GIGYF2: variants seen among roughly 807,000 people sequenced by gnomAD.
GIGYF2 encodes GRB10-interacting GYF protein 2.
Under a neutral mutation model 208.1 loss-of-function variants are expected in GIGYF2, and 25 were observed. That is an observed-to-expected ratio of 0.12 (90% CI 0.09 to 0.17). GIGYF2 has a LOEUF of 0.17. Ranked by LOEUF, GIGYF2 falls within the 10% of genes least tolerant of loss-of-function variation. The pLI is 1.00. For synonymous variants in GIGYF2, 534 were observed against 543.8 expected (o/e 0.98, Z 0.25); for missense variants, 1,302 against 1,579.4 (o/e 0.82, Z 2.98).
intron 14 of GIGYF2, among the ~76,000 whole-genome samples, chr2:232,804,388 T>G (rs1391839574): frequency 6.6e-6 from 1 of 151,848 alleles, no homozygotes; most frequent in African/African-American, 2.4e-5. Flanking sequence ...TCAGTTTTTT[T>G]TTTTTTTTTT....
intron 5 of GIGYF2, among the ~76,000 whole-genome samples, chr2:232,753,051 C>T (rs1047511054): frequency 1.5e-4 from 23 of 152,172 alleles, no homozygotes; most frequent in East Asian, 9.7e-4. Context: ...TTCACACACA[C>T]ACACATAAAT....
rs143586637 is a variant in GIGYF2 at position 232,733,932 on chromosome 2, A to G, written c.-43-1223A>G. ...TGGTTGAATCCATGAACCAGAACCC[A>G]TGGATATGGAGGGCCAGTTATATTT... On this transcript the variant is annotated intron_variant, in intron 2 of 28. Transcript: ENST00000373563. Among the ~76,000 whole-genome samples, 1,323 of 152,256 alleles carry G rather than the reference A, an allele frequency of 8.7e-3. 35 individuals carry two copies. Among genetic ancestry groups the G allele is most frequent in the Admixed American group, 0.054 (829 of 15,274 alleles).
At chr2:232,769,715 G>A (rs1029787885) in intron 8 of GIGYF2, among the ~76,000 whole-genome samples, 1 of 151,910 alleles carries the variant, frequency 6.6e-6, no homozygotes, top group Non-Finnish European at 1.5e-5. Flanking sequence ...TTTTGTTGGC[G>A]GGCTGTTGGT....
chr2:232,717,641 C>T (rs959508770), intron 2 of GIGYF2, among the ~76,000 whole-genome samples: 5 of 152,060 alleles, frequency 3.3e-5, no homozygotes, highest in East Asian at 1.9e-4. Context: ...GTTCTGTAGG[C>T]GGTACAAGAA....
rs182808844 is a variant in GIGYF2, at chr2:232,835,336, T to C, written c.2766+2243T>C. 6.6e-5 allele frequency among the ~76,000 whole-genome samples: 10 copies of C among 152,300 alleles called. No individual in the cohort carries two copies. In the East Asian group the frequency reaches 1.9e-3, roughly 29 times the overall value. ...ATATCATCTATCTCTTTATCAATAT[T>C]CTTTATTTGGTGTGACACTGTCATC... On this transcript the variant is annotated intron_variant, in intron 22 of 28. Coordinates refer to ENST00000373563, the MANE Select transcript of GIGYF2 (RefSeq NM_001103146.3).
At chr2:232,800,135 A>G (rs1003326142) in intron 14 of GIGYF2, among the ~76,000 whole-genome samples, 2 of 151,548 alleles carry the variant, frequency 1.3e-5, no homozygotes, top group Admixed American at 6.6e-5. Context: ...ATTTTCAAGA[A>G]GTCCAATTTG....
intron 8 of GIGYF2, among the ~76,000 whole-genome samples, chr2:232,783,763 C>A (rs191887694): frequency 6.6e-6 from 1 of 151,964 alleles, no homozygotes; most frequent in African/African-American, 2.4e-5. Flanking sequence ...CTTGGCTCAC[C>A]GCAACCTCTG....
At chr2:232,831,266 A>G (rs920859745) in intron 21 of GIGYF2, among the ~76,000 whole-genome samples, 14 of 152,232 alleles carry the variant, frequency 9.2e-5, no homozygotes, top group African/African-American at 2.7e-4. Flanking sequence ...GTCCACACTT[A>G]AGAATGTAGA....
chr2:232,799,947 C>T (rs188667605), intron 14 of GIGYF2, among the ~76,000 whole-genome samples: 1 of 150,602 alleles, frequency 6.6e-6, no homozygotes, highest in Admixed American at 6.6e-5. Flanking sequence ...CTATTCAAGT[C>T]CTTTGCCTTT....
intron 16 of GIGYF2, chr2:232,810,814 T>G: frequency 5.1e-6 from 1 of 196,832 alleles, no homozygotes; most frequent in African/African-American, 2.4e-5. Flanking sequence ...AGACGATCAA[T>G]GTATGAATTT....
intron 2 of GIGYF2, among the ~76,000 whole-genome samples, chr2:232,710,426 T>C (rs1696336842): frequency 6.6e-6 from 1 of 152,178 alleles, no homozygotes; most frequent in African/African-American, 2.4e-5. Flanking sequence ...CAGTGAGTTC[T>C]GTCTGTGGGT....
intron 14 of GIGYF2, among the ~76,000 whole-genome samples, chr2:232,796,955 C>T (rs1045142688): frequency 2.0e-5 from 3 of 152,020 alleles, no homozygotes; most frequent in African/African-American, 4.8e-5. Context: ...TTAAGCAAAA[C>T]GTTTAAGACG....
chr2:232,855,426 G>A (rs1425932191), intron 28 of GIGYF2, among the ~76,000 whole-genome samples: 1 of 152,194 alleles, frequency 6.6e-6, no homozygotes, highest in Non-Finnish European at 1.5e-5. Flanking sequence ...GGGTATGCTA[G>A]TACTGCTTTT....
intron 2 of GIGYF2, among the ~76,000 whole-genome samples, chr2:232,718,172 A>G (rs1361610182): frequency 1.3e-5 from 2 of 152,026 alleles, no homozygotes; most frequent in African/African-American, 2.4e-5. Flanking sequence ...CTGCAGCCTC[A>G]CTGCAACCTC....
chr2:232,769,210 T>G (rs1699113890), intron 8 of GIGYF2, among the ~76,000 whole-genome samples: 3 of 152,056 alleles, frequency 2.0e-5, no homozygotes, highest in Admixed American at 2.0e-4. Context: ...GTAGAATGAT[T>G]TGGGATGGGG....
intron 23 of GIGYF2, among the ~76,000 whole-genome samples, 157 bp downstream of exon 23, chr2:232,840,128 C>G (rs1327614844): frequency 6.6e-6 from 1 of 152,122 alleles, no homozygotes; most frequent in Non-Finnish European, 1.5e-5. Flanking sequence ...TTTGGTTACC[C>G]TAGCAAATGT....
intron 5 of GIGYF2, 29 bp downstream of exon 5, chr2:232,749,111 ACT>A (rs754522961): frequency 1.9e-6 from 2 of 1,071,312 alleles, no homozygotes; most frequent in South Asian, 2.5e-5. Flanking sequence ...GCCCCAGCAA[ACT>A]CTTATTCTTT....
chr2:232,721,582 CTGT>C (rs1696945041), intron 2 of GIGYF2, among the ~76,000 whole-genome samples: 1 of 152,170 alleles, frequency 6.6e-6, no homozygotes, highest in Non-Finnish European at 1.5e-5. Flanking sequence ...GCCTAGCTTG[CTGT>C]TGTTCCTTTA....
intron 18 of GIGYF2, among the ~76,000 whole-genome samples, chr2:232,814,624 A>G (rs977313300): frequency 3.4e-5 from 5 of 145,444 alleles, no homozygotes; most frequent in Admixed American, 1.4e-4. Context: ...TATATGAAAG[A>G]TTAATAAATT....
Sources: allele counts gnomAD v4.1 joint callset (sites outside exome capture counted in the v4.1 genomes callset), GRCh38; gene constraint gnomAD v4.1.1; transcripts MANE v1.5; gene names NCBI Gene and HGNC (gene_info 2026-07-23, HGNC 2026-07-21).